The following SHISAL1 variants were observed in gnomAD, a reference collection of about 807,000 sequenced individuals.
SHISAL1 encodes the protein shisa like 1, also known as protein shisa-like-1.
SHISAL1 carries 9 observed loss-of-function variants against 22.6 expected under a neutral mutation model. That is an observed-to-expected ratio of 0.40 (90% CI 0.24 to 0.70). The LOEUF (loss-of-function observed/expected upper bound fraction) is 0.70. Ranked by LOEUF, SHISAL1 falls within the 30% of genes least tolerant of loss-of-function variation. SHISAL1 has a pLI of 0.39. For missense variants in SHISAL1, 246 were observed against 270.6 expected, an observed-to-expected ratio of 0.91 and a Z score of 0.64; for synonymous variants, 119 against 115.4, an observed-to-expected ratio of 1.03 and a Z score of -0.20.
At position 44,296,530 on chromosome 22, in the gene SHISAL1, A is replaced by G. The variant is rs115989453; in HGVS notation, c.281+142T>C. On this transcript the variant is annotated intron_variant, in intron 3 of 4. Transcript: ENST00000381176. ...AATGGGCCGAAAACCCTGGTCATCC[A>G]AAGACTCTCCCAGACTCCTTCCAGG... 415 of 686,844 alleles carry G rather than the reference A, an allele frequency of 6.0e-4. 3 individuals are homozygous for G. The African/African-American group carries it at 7.0e-3, about 12-fold the overall frequency. The allele number at this position is 686,844 out of a possible 1,614,324, so 42.5% of individuals were successfully genotyped here.
At position 44,263,089 on chromosome 22, in the gene SHISAL1, T is replaced by C. The variant is rs1377501929; in HGVS notation, c.*-13404A>G. On this transcript the variant is annotated intron_variant, in intron 4 of 4. Transcript: ENST00000381176. ...TTTTTTTCTTTCTTTCTTTTTTTTT[T>C]TTTTTTTTTTGGAGATGGAGTCTGT... Among the ~76,000 whole-genome samples the C allele has an allele frequency of 4.2e-3, 611 of 145,496 alleles. 5 individuals carry two copies. Among genetic ancestry groups the C allele is most frequent in the Admixed American group, 7.6e-3 (112 of 14,674 alleles).
the SHISAL1 span, among the ~76,000 whole-genome samples, chr22:44,325,761 C>G: frequency 6.6e-6 from 1 of 152,028 alleles, no homozygotes; most frequent in East Asian, 2.0e-4. Flanking sequence ...AGCCACATGT[C>G]CAGCCAGGTT....
chr22:44,266,159 G>C (rs571903411), intron 4 of SHISAL1, among the ~76,000 whole-genome samples: 1 of 152,292 alleles, frequency 6.6e-6, no homozygotes, highest in Admixed American at 6.5e-5. Flanking sequence ...ACCCACCTCA[G>C]TTTACTCATC....
At chr22:44,291,857 A>T (rs933127695) in intron 3 of SHISAL1, among the ~76,000 whole-genome samples, 12 of 151,856 alleles carry the variant, frequency 7.9e-5, no homozygotes, top group African/African-American at 2.9e-4. Flanking sequence ...TCGCCCAGGG[A>T]CCTGAGTCTG....
chr22:44,323,620 C>A, the SHISAL1 span, among the ~76,000 whole-genome samples: 1 of 147,092 alleles, frequency 6.8e-6, no homozygotes, highest in Non-Finnish European at 1.5e-5. Context: ...ACCCATTCAT[C>A]CATCCATGCA....
At chr22:44,281,633 C>A (rs1287494965) in intron 4 of SHISAL1, among the ~76,000 whole-genome samples, 1 of 152,254 alleles carries the variant, frequency 6.6e-6, no homozygotes, top group East Asian at 1.9e-4. Flanking sequence ...TGCGGTGTCC[C>A]TGGGGTGCCT....
intron 1 of SHISAL1, among the ~76,000 whole-genome samples, chr22:44,304,851 C>A (rs1379372930): frequency 6.6e-6 from 1 of 152,120 alleles, no homozygotes; most frequent in Non-Finnish European, 1.5e-5. Flanking sequence ...TCCAGCTCCT[C>A]TGGCCCCCGT....
At chr22:44,273,209 C>T (rs929510094) in intron 4 of SHISAL1, among the ~76,000 whole-genome samples, 1 of 152,152 alleles carries the variant, frequency 6.6e-6, no homozygotes, top group Non-Finnish European at 1.5e-5. Context: ...CCATTATGCA[C>T]AGGGGCAAGC....
intron 2 of SHISAL1, among the ~76,000 whole-genome samples, chr22:44,298,501 G>A (rs181940309): frequency 6.6e-6 from 1 of 152,382 alleles, no homozygotes; most frequent in Non-Finnish European, 1.5e-5. Flanking sequence ...GCAAGGGGCA[G>A]AGGCAGCTAG....
At chr22:44,269,882 G>A (rs57338023) in intron 4 of SHISAL1, among the ~76,000 whole-genome samples, 1,621 of 152,228 alleles carry the variant, frequency 0.011, 40 homozygotes, top group African/African-American at 0.037. Context: ...GCCCAGCTCC[G>A]CCCCTCCAGC....
chr22:44,296,686 C>T lies in SHISAL1; in HGVS notation c.267G>A (p.Glu89=). 1 of 1,613,736 alleles carries T rather than the reference C, an allele frequency of 6.2e-7. No homozygotes were observed. Among genetic ancestry groups the T allele is most frequent in the Non-Finnish European group, 8.5e-7 (1 of 1,180,026 alleles). The change falls in exon 3 of 5, where the codon GAG becomes GAA. Residue 89 remains glutamate, a synonymous_variant. Coordinates refer to ENST00000381176, the MANE Select transcript of SHISAL1 (RefSeq NM_001099294.2). The part of the protein sequence containing the change: ...VMQANLTASS[E]GYMHNNYTAL... Reference sequence around the variant, plus strand: ...GTGGCACTCACTTGTGCATGTAACCCTCGGAGCTGGCCGTGAGGTTCGCCT... The same window carrying T: ...GTGGCACTCACTTGTGCATGTAACCTTCGGAGCTGGCCGTGAGGTTCGCCT...
At chr22:44,323,836 G>C in the SHISAL1 span, among the ~76,000 whole-genome samples, 1 of 152,180 alleles carries the variant, frequency 6.6e-6, no homozygotes. Flanking sequence ...GTGCCTCCTT[G>C]GTGTTTCTGC....
chr22:44,256,830 A>G (rs543057476), intron 4 of SHISAL1, among the ~76,000 whole-genome samples: 1 of 152,316 alleles, frequency 6.6e-6, no homozygotes, highest in African/African-American at 2.4e-5. Flanking sequence ...GAAATCAGGA[A>G]GCCTCCAAGA....
chr22:44,288,129 G>A (rs1356802872), intron 3 of SHISAL1, among the ~76,000 whole-genome samples: 1 of 152,306 alleles, frequency 6.6e-6, no homozygotes, highest in Non-Finnish European at 1.5e-5. Context: ...TAATGCTCAC[G>A]CAACCACGGG....
At chr22:44,296,601 G>A (rs753274244) in intron 3 of SHISAL1, 71 bp downstream of exon 3, 21 of 1,415,432 alleles carry the variant, frequency 1.5e-5, no homozygotes, top group African/African-American at 2.8e-5. Flanking sequence ...CCTAGGGGAC[G>A]CGATTTTGGG....
At chr22:44,250,973 G>T (rs2055043540) in intron 4 of SHISAL1, among the ~76,000 whole-genome samples, 1 of 152,212 alleles carries the variant, frequency 6.6e-6, no homozygotes, top group South Asian at 2.1e-4. Flanking sequence ...GCATTAGTGG[G>T]AATGTGTACA....
At chr22:44,256,179 G>C (rs2055083104) in intron 4 of SHISAL1, among the ~76,000 whole-genome samples, 1 of 151,912 alleles carries the variant, frequency 6.6e-6, no homozygotes, top group Non-Finnish European at 1.5e-5. Flanking sequence ...CGGCTCTCCT[G>C]GGTCTCAGGA....
the SHISAL1 span, among the ~76,000 whole-genome samples, chr22:44,330,479 C>T: frequency 1.3e-5 from 2 of 152,164 alleles, no homozygotes; most frequent in African/African-American, 4.8e-5. Context: ...CCCAGAGGTG[C>T]TCTCCCGCAG....
At chr22:44,257,909 A>G (rs545166291) in intron 4 of SHISAL1, among the ~76,000 whole-genome samples, 1 of 152,222 alleles carries the variant, frequency 6.6e-6, no homozygotes, top group Non-Finnish European at 1.5e-5. Flanking sequence ...TGGGAGGCCG[A>G]GGTGGGCGGA....
Sources: allele counts gnomAD v4.1 joint callset (sites outside exome capture counted in the v4.1 genomes callset), GRCh38; gene constraint gnomAD v4.1.1; transcripts MANE v1.5; gene names NCBI Gene and HGNC (gene_info 2026-07-23, HGNC 2026-07-21).